Variants in TRIM42 observed in about 807,000 individuals in gnomAD.
TRIM42 encodes the protein tripartite motif containing 42.
Under a neutral mutation model 64.9 loss-of-function variants are expected in TRIM42, and 59 were observed. The observed-to-expected ratio is 0.91, with a 90% CI of 0.74 to 1.13. The LOEUF (loss-of-function observed/expected upper bound fraction) is 1.13. Ranked by LOEUF, TRIM42 falls within the 50% of genes most tolerant of loss-of-function variation. The pLI is 0.00. For synonymous variants in TRIM42, 354 were observed against 346.3 expected (o/e 1.02, Z -0.25); for missense variants, 878 against 929.5 (o/e 0.94, Z 0.72).
rs1292236410 is a variant in TRIM42, at chr3:140,678,283, T to G, written c.54T>G (p.Cys18Trp). ...CCPCCTWQRC[C>W]PQLCSCLCCK... The stretch of plus-strand genomic sequence containing the variant: ...CATGTTGTACATGGCAGAGATGTTG[T>G]CCTCAGTTATGCTCCTGTCTGTGCT... Residue 18 changes from cysteine to tryptophan, a missense_variant, in exon 1 of 5, where the codon TGT becomes TGG. Cys to Trp is a radical substitution (Grantham distance 215, BLOSUM62 -2). Coordinates refer to ENST00000286349, the MANE Select transcript of TRIM42 (RefSeq NM_152616.5). The G allele has an allele frequency of 6.2e-7, 1 of 1,614,222 alleles. No individual in the cohort carries two copies. Among genetic ancestry groups the G allele is most frequent in the Non-Finnish European group, 8.5e-7 (1 of 1,180,040 alleles).
Position 140,691,137 on chromosome 3 carries a change from T to C in TRIM42, c.2030T>C (p.Phe677Ser). The C allele has an allele frequency of 6.2e-7, 1 of 1,614,118 alleles. No individual in the cohort carries two copies. The highest frequency in any genetic ancestry group is 8.5e-7 in the Non-Finnish European group (1 of 1,179,992). ...CTGACCCCCAACACAGAATACGTGT[T>C]TAAAGTTAGAGCCATCAATGATAAT... ...HNLTPNTEYVFKVRAINDNGP... is the reference protein window; with the variant it reads ...HNLTPNTEYVSKVRAINDNGP... Residue 677 changes from phenylalanine to serine, a missense_variant, in exon 4 of 5, where the codon TTT (phenylalanine) becomes TCT (serine). Transcript: ENST00000286349.
In TRIM42 at chr3:140,688,021, A is replaced by G. The variant is rs776606993; in HGVS notation, c.1339A>G (p.Lys447Glu). ...CCAGGTGGCATTCCTGCAGTCAGCCAAGATCCTGGTGGACCAGATCGAGGA... is the reference window on the plus strand; with the variant it reads ...CCAGGTGGCATTCCTGCAGTCAGCCGAGATCCTGGTGGACCAGATCGAGGA... ...TGQVAFLQSA[K>E]ILVDQIEDGI... The change falls in exon 3 of 5, where the codon AAG becomes GAG. Residue 447 changes from lysine to glutamate, a missense_variant. Transcript: ENST00000286349. 1.9e-6 allele frequency: 3 copies of G among 1,614,088 alleles called. No individual in the cohort carries two copies. Among genetic ancestry groups the G allele is most frequent in the Non-Finnish European group, 2.5e-6 (3 of 1,180,042 alleles).
chr3:140,695,882 C>T (rs960846571), intron 4 of TRIM42, among the ~76,000 whole-genome samples: 1 of 152,176 alleles, frequency 6.6e-6, no homozygotes, highest in Admixed American at 6.5e-5. Flanking sequence ...ACAGTGACTC[C>T]GTGCCCTAAA....
At chr3:140,680,094 G>GCAGA (rs1988334893) in intron 1 of TRIM42, among the ~76,000 whole-genome samples, 3 of 152,138 alleles carry the variant, frequency 2.0e-5, no homozygotes, top group Non-Finnish European at 4.4e-5. Context: ...GTGCAGAGGA[G>GCAGA]CAGAGACAGG....
In TRIM42 at chr3:140,701,028, C is replaced by G. The variant is rs1988987119; in HGVS notation, c.*54C>G. The G allele has an allele frequency of 7.7e-6, 11 of 1,433,470 alleles. No individual in the cohort carries two copies. Among genetic ancestry groups the G allele is most frequent in the Non-Finnish European group, 1.1e-5 (11 of 1,021,938 alleles). The allele number at this position is 1,433,470 out of a possible 1,614,324, so 88.8% of individuals were successfully genotyped here. A position where few individuals can be genotyped will look rare whatever the true frequency, so the allele number is the denominator to read the frequency against. ...ACTCATCACAAAGTAGACATATACA[C>G]ACACATATATGTATGTATATTTTTC... On this transcript the variant is annotated 3_prime_UTR_variant, in exon 5 of 5. Transcript: ENST00000286349.
chr3:140,678,292 A>G lies in TRIM42; in HGVS notation c.63A>G (p.Leu21=). Residue 21 remains leucine, a synonymous_variant, in exon 1 of 5, where the codon TTA becomes TTG. Coordinates refer to ENST00000286349, the MANE Select transcript of TRIM42 (RefSeq NM_152616.5). ...CATGGCAGAGATGTTGTCCTCAGTT[A>G]TGCTCCTGTCTGTGCTGCAAGTTCA... ...CCTWQRCCPQ[L]CSCLCCKFIF... 2 of 1,614,164 alleles carry G rather than the reference A, an allele frequency of 1.2e-6. No individual in the cohort carries two copies. Among genetic ancestry groups the G allele is most frequent in the Non-Finnish European group, 1.7e-6 (2 of 1,180,030 alleles).
chr3:140,697,325 A>G (rs1017006969), intron 4 of TRIM42, among the ~76,000 whole-genome samples: 13 of 152,224 alleles, frequency 8.5e-5, no homozygotes, highest in African/African-American at 3.1e-4. Flanking sequence ...ATAAAATAGC[A>G]GAAATACTTA....
chr3:140,680,807 AC>A, intron 1 of TRIM42: 1 of 510,898 alleles, frequency 2.0e-6, no homozygotes, highest in African/African-American at 2.1e-5. Flanking sequence ...ATTCTCTGTC[AC>A]CACAGGGCCA....
In TRIM42 at chr3:140,688,217, C is replaced by T. The variant is rs1244435473; in HGVS notation, c.1535C>T (p.Ser512Leu). The T allele has an allele frequency of 1.2e-6, 2 of 1,614,094 alleles. No homozygotes were observed. Among genetic ancestry groups the T allele is most frequent in the African/African-American group, 2.7e-5 (2 of 74,932 alleles). ...CTGCCCTCCCCCTACCCCGTGCACT[C>T]AGAAACAATGATTGCCAGGAAGGTC... The part of the protein sequence containing the change: ...DSLPSPYPVH[S>L]ETMIARKVTF... The change falls in exon 3 of 5, where the codon TCA becomes TTA. Residue 512 changes from serine (S) to leucine (L), a missense_variant. Transcript: ENST00000286349.
In TRIM42 at chr3:140,678,313, G is replaced by A. The variant is rs374547442; in HGVS notation, c.84G>A (p.Lys28=). 123 of 1,614,100 alleles carry A rather than the reference G, an allele frequency of 7.6e-5. No individual in the cohort carries two copies. Among genetic ancestry groups the A allele is most frequent in the Non-Finnish European group, 9.5e-5 (112 of 1,180,046 alleles). Residue 28 remains lysine (K), a synonymous_variant, in exon 1 of 5, where the codon AAG becomes AAA. Coordinates refer to ENST00000286349, the MANE Select transcript of TRIM42 (RefSeq NM_152616.5). The stretch of plus-strand genomic sequence containing the variant: ...AGTTATGCTCCTGTCTGTGCTGCAA[G>A]TTCATCTTCACCTCAGAGCGGAACT... ...CPQLCSCLCC[K]FIFTSERNCT...
intron 2 of TRIM42, among the ~76,000 whole-genome samples, chr3:140,684,141 C>T (rs917909949): frequency 2.0e-5 from 3 of 152,060 alleles, no homozygotes; most frequent in African/African-American, 4.8e-5. Flanking sequence ...TTTGTCTAAT[C>T]TCAATAATGC....
chr3:140,692,556 CACACACAG>C (rs1476004670), intron 4 of TRIM42, among the ~76,000 whole-genome samples: 1 of 144,830 alleles, frequency 6.9e-6, no homozygotes, highest in African/African-American at 2.5e-5. Context: ...CACACACACA[CACACACAG>C]AGAGAGATAG....
intron 4 of TRIM42, among the ~76,000 whole-genome samples, chr3:140,691,603 AG>A (rs1201279619): frequency 1.3e-5 from 2 of 152,230 alleles, no homozygotes; most frequent in Non-Finnish European, 2.9e-5. Context: ...ATGAAAATAC[AG>A]GATGCCCAGT....
In TRIM42 at chr3:140,683,113, C is replaced by T. The variant is rs778063412; in HGVS notation, c.993C>T (p.Ser331=). The part of the protein sequence containing the change: ...HDTISLIDAC[S]ERAASLFSAI... ...CCATTAGCCTCATCGACGCCTGCTC[C>T]GAGAGGGCCGCCTCACTCTTCAGCG... The change falls in exon 2 of 5, where the codon TCC becomes TCT. Residue 331 remains serine (S), a synonymous_variant. Coordinates refer to ENST00000286349, the MANE Select transcript of TRIM42 (RefSeq NM_152616.5). 5 of 1,614,216 alleles carry T rather than the reference C, an allele frequency of 3.1e-6. No homozygotes were observed.
chr3:140,679,327 C>T (rs1262920286), intron 1 of TRIM42, among the ~76,000 whole-genome samples: 1 of 152,146 alleles, frequency 6.6e-6, no homozygotes, highest in Non-Finnish European at 1.5e-5. Flanking sequence ...CCCTTCATAT[C>T]AGGTCCTACA....
In TRIM42 at chr3:140,688,422, C is replaced by T. The variant is rs150514683; in HGVS notation, c.1740C>T (p.Asp580=). 1 of 1,613,644 alleles carries T rather than the reference C, an allele frequency of 6.2e-7. No individual in the cohort carries two copies. The highest frequency in any genetic ancestry group is 8.5e-7 in the Non-Finnish European group (1 of 1,179,522). Reference sequence around the variant, plus strand: ...ACACCTACTGGAGTGCTGGAGCAGACAGCCAGTCTGTACAGAACAGCAGCA... The same window carrying T: ...ACACCTACTGGAGTGCTGGAGCAGATAGCCAGTCTGTACAGAACAGCAGCA... ...GLYTYWSAGA[D]SQSVQNSSSF... is the part of the protein sequence containing the mutation. The change falls in exon 3 of 5, where the codon GAC becomes GAT. Residue 580 remains aspartate, a synonymous_variant. Transcript: ENST00000286349.
intron 1 of TRIM42, among the ~76,000 whole-genome samples, chr3:140,678,855 G>T (rs570339274): frequency 6.6e-6 from 1 of 152,242 alleles, no homozygotes; most frequent in African/African-American, 2.4e-5. Context: ...AATACTTAGT[G>T]CTTAAGGAAC....
chr3:140,694,151 T>C (rs916009689), intron 4 of TRIM42, among the ~76,000 whole-genome samples: 8 of 152,178 alleles, frequency 5.3e-5, no homozygotes, highest in African/African-American at 1.9e-4. Context: ...ACATAGTACT[T>C]TACTCTGGGA....
intron 2 of TRIM42, among the ~76,000 whole-genome samples, chr3:140,684,902 TAC>T (rs2107758822): frequency 6.6e-6 from 1 of 152,200 alleles, no homozygotes; most frequent in East Asian, 1.9e-4. Flanking sequence ...TCGTCCTTAA[TAC>T]AGGAGAAACT....
Sources: gnomAD v4.1 joint callset for allele counts (sites outside exome capture counted in the v4.1 genomes callset) on GRCh38, gnomAD v4.1.1 for gene constraint, MANE v1.5 for transcripts, NCBI Gene and HGNC (gene_info 2026-07-23, HGNC 2026-07-21) for gene names.